Variants in BARD1 observed in about 807,000 individuals in gnomAD.
The protein encoded by BARD1 is BRCA1-associated RING domain protein 1.
Under a neutral mutation model 77.0 loss-of-function variants are expected in BARD1, and 73 were observed. The observed-to-expected ratio is 0.95, with a 90% CI of 0.79 to 1.15. The LOEUF (loss-of-function observed/expected upper bound fraction) is 1.15, where lower values mean the gene tolerates loss of function less well. Ranked by LOEUF, BARD1 falls within the 50% of genes most tolerant of loss-of-function variation. The pLI is 0.00. For synonymous variants in BARD1, 384 were observed against 338.0 expected (o/e 1.14, Z -1.49); for missense variants, 993 against 938.8 (o/e 1.06, Z -0.75).
At chr2:214,794,931 G>A (rs534909799) in intron 2 of BARD1, among the ~76,000 whole-genome samples, 20 of 151,990 alleles carry the variant, frequency 1.3e-4, no homozygotes, top group Non-Finnish European at 2.6e-4. Context: ...AGATGTTCTC[G>A]TGTCTCAAAC....
At chr2:214,735,594 T>C (rs929469566) in intron 9 of BARD1, among the ~76,000 whole-genome samples, 1 of 152,146 alleles carries the variant, frequency 6.6e-6, no homozygotes, top group South Asian at 2.1e-4. Flanking sequence ...TGCTTAAAGC[T>C]GAATGCAGCC....
In BARD1 at chr2:214,787,053, T is replaced by C. The variant is rs148816284; in HGVS notation, c.364+5244A>G. Among the ~76,000 whole-genome samples the C allele has an allele frequency of 7.2e-3, 1,091 of 152,066 alleles. 6 individuals carry two copies. Among genetic ancestry groups the C allele is most frequent in the Non-Finnish European group, 0.011 (770 of 67,852 alleles). ...CATAAAGGTTAATCCTCTGATAGTCTGTAATAACTTGTATTTGATTTTTTT... is the reference window on the plus strand; with the variant it reads ...CATAAAGGTTAATCCTCTGATAGTCCGTAATAACTTGTATTTGATTTTTTT... On this transcript the variant is annotated intron_variant, in intron 3 of 10. Transcript: ENST00000260947.
chr2:214,733,028 C>T (rs1240277881), intron 9 of BARD1, among the ~76,000 whole-genome samples: 2 of 152,114 alleles, frequency 1.3e-5, no homozygotes, highest in Non-Finnish European at 1.5e-5. Context: ...AATCAAATAA[C>T]TTACGAGGTA....
chr2:214,789,697 T>C (rs1024412715), intron 3 of BARD1, among the ~76,000 whole-genome samples: 6 of 152,008 alleles, frequency 3.9e-5, no homozygotes, highest in African/African-American at 7.3e-5. Flanking sequence ...CAGTAAGAAA[T>C]TTACAACACA....
chr2:214,803,772 CTG>C (rs1696140496), intron 1 of BARD1, among the ~76,000 whole-genome samples: 1 of 152,180 alleles, frequency 6.6e-6, no homozygotes, highest in Admixed American at 6.5e-5. Context: ...TACTTTGTAT[CTG>C]TGTCTTTTTC....
intron 7 of BARD1, among the ~76,000 whole-genome samples, chr2:214,749,401 T>G (rs764090810): frequency 1.3e-4 from 20 of 152,148 alleles, no homozygotes; most frequent in Non-Finnish European, 2.5e-4. Context: ...TATTATCTTT[T>G]CCTTAGCCAA....
Position 214,785,252 on chromosome 2 carries a change from G to A in BARD1, c.365-3743C>T, listed in dbSNP as rs180908126. Among the ~76,000 whole-genome samples, 210 of 151,994 alleles carry A rather than the reference G, an allele frequency of 1.4e-3. 2 individuals are homozygous for A. Among genetic ancestry groups the A allele is most frequent in the African/African-American group, 4.6e-3 (191 of 41,376 alleles). The stretch of plus-strand genomic sequence containing the variant: ...CATACAATGAACCTAAGAGTGTAGA[G>A]GAAAAGTTTTTCTTCATTGACAAAT... On this transcript the variant is annotated intron_variant, in intron 3 of 10. Coordinates refer to ENST00000260947, the MANE Select transcript of BARD1 (RefSeq NM_000465.4).
intron 4 of BARD1, among the ~76,000 whole-genome samples, chr2:214,775,042 T>A (rs981505204): frequency 1.3e-5 from 2 of 152,220 alleles, no homozygotes; most frequent in African/African-American, 4.8e-5. Flanking sequence ...TTTGATCATC[T>A]ATCCAGACCA....
At chr2:214,792,161 A>AAC (rs1226248274) in intron 3 of BARD1, 136 bp downstream of exon 3, 4 of 957,116 alleles carry the variant, frequency 4.2e-6, no homozygotes, top group Non-Finnish European at 5.9e-6. Context: ...AAAAAAAAAA[A>AAC]AAAAAAACCT....
chr2:214,732,329 A>G (rs917616658), intron 9 of BARD1, among the ~76,000 whole-genome samples: 1 of 152,198 alleles, frequency 6.6e-6, no homozygotes, highest in Non-Finnish European at 1.5e-5. Context: ...CTGCGATTGC[A>G]TCTAATATAA....
intron 4 of BARD1, among the ~76,000 whole-genome samples, chr2:214,772,237 G>A (rs1694533894): frequency 6.6e-6 from 1 of 152,160 alleles, no homozygotes; most frequent in South Asian, 2.1e-4. Context: ...GATTACAGGT[G>A]TGAGCCCCTG....
intron 1 of BARD1, among the ~76,000 whole-genome samples, chr2:214,801,217 T>A (rs1400392449): frequency 6.6e-6 from 1 of 151,242 alleles, no homozygotes; most frequent in Non-Finnish European, 1.5e-5. Flanking sequence ...CACTGCTTGT[T>A]ACAGCAAAAG....
At chr2:214,749,384 G>A (rs1029696238) in intron 7 of BARD1, among the ~76,000 whole-genome samples, 1 of 151,936 alleles carries the variant, frequency 6.6e-6, no homozygotes, top group African/African-American at 2.4e-5. Flanking sequence ...AAACCTGAAG[G>A]ACTTGATATT....
intron 7 of BARD1, among the ~76,000 whole-genome samples, chr2:214,748,472 G>C (rs1039081754): frequency 3.3e-5 from 5 of 151,830 alleles, no homozygotes; most frequent in Admixed American, 2.0e-4. Context: ...CTTTTTCTTA[G>C]ATAAAATCAT....
rs779498054 is a variant in BARD1 at position 214,728,649 on chromosome 2, A to T, written c.*27T>A. On this transcript the variant is annotated 3_prime_UTR_variant, in exon 11 of 11. Transcript: ENST00000260947. Reference sequence around the variant, plus strand: ...GGCTCTCACAAACCGTGCAAATTCAATTTGAAATGTTCATCTGGTATAATA... The same window carrying T: ...GGCTCTCACAAACCGTGCAAATTCATTTTGAAATGTTCATCTGGTATAATA... 4.3e-6 allele frequency: 7 copies of T among 1,612,076 alleles called. No homozygotes were observed. The highest frequency in any genetic ancestry group is 5.9e-6 in the Non-Finnish European group (7 of 1,178,622).
intron 6 of BARD1, among the ~76,000 whole-genome samples, chr2:214,766,429 T>C (rs1694198328): frequency 1.3e-5 from 2 of 152,186 alleles, no homozygotes; most frequent in South Asian, 4.1e-4. Context: ...GCATACAAAA[T>C]AATTATTTCT....
At chr2:214,756,056 T>C (rs1693681380) in intron 6 of BARD1, among the ~76,000 whole-genome samples, 1 of 152,166 alleles carries the variant, frequency 6.6e-6, no homozygotes, top group African/African-American at 2.4e-5. Flanking sequence ...GTAGATAATA[T>C]ACTTTACCTA....
rs114284385 is a variant in BARD1, at chr2:214,753,668, A to G, written c.1569-1113T>C. On this transcript the variant is annotated intron_variant, in intron 6 of 10. Coordinates refer to ENST00000260947, the MANE Select transcript of BARD1 (RefSeq NM_000465.4). ...GATGCTGCAGAGAGAGATCATGTAG[A>G]TGAGGGATATAAGCATCTACTGAGT... Among the ~76,000 whole-genome samples the G allele has an allele frequency of 1.9e-3, 296 of 152,286 alleles. 1 individual carries two copies. The highest frequency in any genetic ancestry group is 6.8e-3 in the African/African-American group (282 of 41,580).
chr2:214,781,341 T>C lies in BARD1; in HGVS notation c.533A>G (p.Asp178Gly). The C allele has an allele frequency of 6.2e-7, 1 of 1,613,666 alleles. No homozygotes were observed. The highest frequency in any genetic ancestry group is 8.5e-7 in the Non-Finnish European group (1 of 1,179,902). ...AIKKDASAQQDSYEFVSPSPP... is the reference protein window; with the variant it reads ...AIKKDASAQQGSYEFVSPSPP... ...ACTTGGGGAAACAAATTCATATGAG[T>C]CTTGCTGAGCACTTGCATCTTTTTT... The change falls in exon 4 of 11, where the codon GAC (aspartate) becomes GGC (glycine). Residue 178 changes from aspartate (D) to glycine (G), a missense_variant. Physicochemically the swap from Asp to Gly is moderately conservative, Grantham distance 94 (BLOSUM62 -1). Transcript: ENST00000260947.
Sources: allele counts gnomAD v4.1 joint callset (sites outside exome capture counted in the v4.1 genomes callset), GRCh38; gene constraint gnomAD v4.1.1; transcripts MANE v1.5; gene names NCBI Gene and HGNC (gene_info 2026-07-23, HGNC 2026-07-21).